Variants in TMEM132D observed in about 807,000 individuals in gnomAD.
The protein encoded by TMEM132D is transmembrane protein 132D.
TMEM132D carries 21 observed loss-of-function variants against 62.3 expected under a neutral mutation model. That is an observed-to-expected ratio of 0.34 (90% CI 0.24 to 0.49). The LOEUF (loss-of-function observed/expected upper bound fraction) is 0.49, where lower values mean the gene tolerates loss of function less well. Among genes scored for constraint, TMEM132D ranks in the 20% least tolerant of loss-of-function variants. The probability of loss-of-function intolerance (pLI) is 0.99; values close to 1 mark genes in which losing one functional copy is unlikely to be tolerated. For missense variants in TMEM132D, 1,346 were observed against 1,402.8 expected (o/e 0.96, Z 0.65); for synonymous variants, 621 against 575.6 (o/e 1.08, Z -1.13).
At chr12:129,471,274 C>T (rs1169575360) in intron 3 of TMEM132D, among the ~76,000 whole-genome samples, 1 of 151,170 alleles carries the variant, frequency 6.6e-6, no homozygotes, top group Non-Finnish European at 1.5e-5. Context: ...TCTATCGGCT[C>T]CTTATTCCCA....
At chr12:129,163,178 A>G (rs565652577) in intron 5 of TMEM132D, among the ~76,000 whole-genome samples, 93 of 152,366 alleles carry the variant, frequency 6.1e-4, no homozygotes, top group African/African-American at 2.1e-3. Flanking sequence ...CCCTTAAGAA[A>G]TTAGTTTTCA....
chr12:129,171,018 T>C (rs1035136238), intron 5 of TMEM132D, among the ~76,000 whole-genome samples: 4 of 152,300 alleles, frequency 2.6e-5, no homozygotes, highest in African/African-American at 9.6e-5. Flanking sequence ...CTTTCATGAA[T>C]GACTTCTCTG....
At chr12:129,101,664 G>A (rs531876073) in intron 5 of TMEM132D, among the ~76,000 whole-genome samples, 2 of 152,256 alleles carry the variant, frequency 1.3e-5, no homozygotes, top group East Asian at 1.9e-4. Flanking sequence ...GCTTTCTGGC[G>A]GAGGCTTTCT....
chr12:129,579,143 A>G (rs1877769085), intron 2 of TMEM132D, among the ~76,000 whole-genome samples: 1 of 152,232 alleles, frequency 6.6e-6, no homozygotes. Context: ...CAAGGGAAAA[A>G]TGCTTTTGAA....
intron 4 of TMEM132D, among the ~76,000 whole-genome samples, chr12:129,279,359 G>A (rs571829714): frequency 6.6e-6 from 1 of 152,264 alleles, no homozygotes; most frequent in East Asian, 1.9e-4. Flanking sequence ...TGTGGCAAAG[G>A]ATTCTTTTTT....
At chr12:129,781,977 A>G (rs978049935) in intron 1 of TMEM132D, among the ~76,000 whole-genome samples, 2 of 152,224 alleles carry the variant, frequency 1.3e-5, no homozygotes, top group Non-Finnish European at 2.9e-5. Flanking sequence ...CCTCGTATGT[A>G]ATGCAATATT....
intron 3 of TMEM132D, among the ~76,000 whole-genome samples, chr12:129,414,920 ATCTG>A (rs1179199243): frequency 6.6e-6 from 1 of 152,212 alleles, no homozygotes; most frequent in Non-Finnish European, 1.5e-5. Context: ...ATCATGCCGT[ATCTG>A]TCTTTCTGTG....
At chr12:129,188,239 T>C (rs1424184016) in intron 5 of TMEM132D, among the ~76,000 whole-genome samples, 1 of 152,178 alleles carries the variant, frequency 6.6e-6, no homozygotes, top group African/African-American at 2.4e-5. Flanking sequence ...TCCAAGACTC[T>C]GCTGTTGCCT....
chr12:129,103,566 T>C (rs190319506), intron 5 of TMEM132D, among the ~76,000 whole-genome samples: 1 of 152,332 alleles, frequency 6.6e-6, no homozygotes, highest in Non-Finnish European at 1.5e-5. Flanking sequence ...ATGGCTGCTT[T>C]ATGCATCAGG....
At chr12:129,695,239 G>C (rs562669405) in intron 2 of TMEM132D, among the ~76,000 whole-genome samples, 2 of 152,246 alleles carry the variant, frequency 1.3e-5, no homozygotes, top group African/African-American at 4.8e-5. Context: ...AGCCAAGGGG[G>C]GCAGCAGATA....
intron 3 of TMEM132D, among the ~76,000 whole-genome samples, chr12:129,369,264 T>C (rs886993275): frequency 1.3e-5 from 2 of 152,160 alleles, no homozygotes; most frequent in Non-Finnish European, 2.9e-5. Context: ...ATAACGTGTG[T>C]CTTCCACGAC....
At chr12:129,182,806 C>G (rs1878105235) in intron 5 of TMEM132D, among the ~76,000 whole-genome samples, 1 of 152,244 alleles carries the variant, frequency 6.6e-6, no homozygotes, top group African/African-American at 2.4e-5. Flanking sequence ...TGTTTATCTG[C>G]TGTGGAGAAA....
At chr12:129,641,291 G>A (rs1374940540) in intron 2 of TMEM132D, among the ~76,000 whole-genome samples, 4 of 152,084 alleles carry the variant, frequency 2.6e-5, no homozygotes, top group Admixed American at 1.3e-4. Flanking sequence ...TAGCACTCAC[G>A]ACTTGTGTAT....
In TMEM132D at chr12:129,084,663, C is replaced by T; in HGVS notation, c.1483G>A (p.Glu495Lys). 1 of 1,614,126 alleles carries T rather than the reference C, an allele frequency of 6.2e-7. No individual in the cohort carries two copies. The highest frequency in any genetic ancestry group is 8.5e-7 in the Non-Finnish European group (1 of 1,180,032). ...RCDYVFVNGK[E>K]MKGKVNVVVN... ...ACCACGTTGACCTTGCCTTTCATTT[C>T]TTTCCCATTGACAAAGACGTAGTCA... Residue 495 changes from glutamate (E) to lysine (K), a missense_variant, in exon 6 of 9, where the codon GAA becomes AAA. By Grantham distance (56) the Glu-to-Lys change is moderately conservative. Transcript: ENST00000422113.
intron 1 of TMEM132D, among the ~76,000 whole-genome samples, chr12:129,832,751 G>A (rs1001567501): frequency 1.3e-5 from 2 of 152,104 alleles, no homozygotes; most frequent in African/African-American, 2.4e-5. Context: ...CCACAAACCC[G>A]GCCATGATCT....
chr12:129,482,186 GGCCAA>G (rs751858527), intron 3 of TMEM132D, among the ~76,000 whole-genome samples: 11 of 152,182 alleles, frequency 7.2e-5, no homozygotes, highest in Non-Finnish European at 1.2e-4. Context: ...CATGGAGTAC[GGCCAA>G]GCCATCTCCA....
At chr12:129,880,551 A>C (rs928564833) in intron 1 of TMEM132D, among the ~76,000 whole-genome samples, 1 of 152,228 alleles carries the variant, frequency 6.6e-6, no homozygotes, top group Admixed American at 6.5e-5. Flanking sequence ...TAGCATGCCC[A>C]AAAATAAAAT....
intron 3 of TMEM132D, among the ~76,000 whole-genome samples, chr12:129,405,739 G>GAAGAGA: frequency 6.6e-6 from 1 of 152,270 alleles, no homozygotes; most frequent in South Asian, 2.1e-4. Flanking sequence ...GCCCTTATGA[G>GAAGAGA]AAGAGATGGA....
At chr12:129,596,676 A>G (rs1036898865) in intron 2 of TMEM132D, among the ~76,000 whole-genome samples, 1 of 152,148 alleles carries the variant, frequency 6.6e-6, no homozygotes, top group Non-Finnish European at 1.5e-5. Flanking sequence ...AGTTTAGAGA[A>G]TAATGACAAT....
Sources: allele counts gnomAD v4.1 joint callset (sites outside exome capture counted in the v4.1 genomes callset), GRCh38; gene constraint gnomAD v4.1.1; transcripts MANE v1.5; gene names NCBI Gene and HGNC (gene_info 2026-07-23, HGNC 2026-07-21).